Variants in CCSER1 observed in about 807,000 individuals in gnomAD.
CCSER1 encodes coiled-coil serine rich protein 1, also known as serine-rich coiled-coil domain-containing protein 1.
Under a neutral mutation model 82.0 loss-of-function variants are expected in CCSER1, and 41 were observed. The observed-to-expected ratio is 0.50, with a 90% CI of 0.39 to 0.65. The LOEUF is 0.65. Among genes scored for constraint, CCSER1 ranks in the 30% least tolerant of loss-of-function variants. CCSER1 has a pLI of 0.00. For synonymous variants in CCSER1, 414 were observed against 383.9 expected (o/e 1.08, Z -0.92); for missense variants, 1,119 against 1,064.2 (o/e 1.05, Z -0.72).
intron 3 of CCSER1, among the ~76,000 whole-genome samples, chr4:90,324,104 A>G (rs1486940877): frequency 6.7e-6 from 1 of 149,516 alleles, no homozygotes; most frequent in Non-Finnish European, 1.5e-5. Context: ...AGTCTTTGCT[A>G]TTGTGAATAG....
At chr4:90,429,059 T>C (rs1184321577) in intron 4 of CCSER1, among the ~76,000 whole-genome samples, 1 of 151,860 alleles carries the variant, frequency 6.6e-6, no homozygotes, top group East Asian at 1.9e-4. Context: ...GTTAATATGG[T>C]AACATTTGTG....
At chr4:91,141,150 ATTCT>A (rs1728985557) in intron 10 of CCSER1, among the ~76,000 whole-genome samples, 3 of 147,410 alleles carry the variant, frequency 2.0e-5, no homozygotes, top group Non-Finnish European at 4.5e-5. Context: ...ATATGATTTC[ATTCT>A]TTTTTTTTTT....
chr4:90,661,582 G>T (rs1447831334), intron 6 of CCSER1, among the ~76,000 whole-genome samples: 1 of 152,140 alleles, frequency 6.6e-6, no homozygotes, highest in Non-Finnish European at 1.5e-5. Context: ...AGTGTGAGAT[G>T]ATTTATGTTA....
intron 9 of CCSER1, among the ~76,000 whole-genome samples, chr4:90,949,295 A>G (rs185228203): frequency 6.6e-6 from 1 of 152,256 alleles, no homozygotes; most frequent in Admixed American, 6.5e-5. Flanking sequence ...ATATTTAAGA[A>G]TTTCTTTACC....
intron 9 of CCSER1, among the ~76,000 whole-genome samples, chr4:90,991,173 T>G (rs1736999603): frequency 6.6e-6 from 1 of 151,810 alleles, no homozygotes; most frequent in Non-Finnish European, 1.5e-5. Flanking sequence ...TTTTATTGCC[T>G]CCTCATCTTC....
intron 10 of CCSER1, among the ~76,000 whole-genome samples, chr4:91,089,301 G>T (rs539798575): frequency 6.6e-6 from 1 of 152,172 alleles, no homozygotes; most frequent in Non-Finnish European, 1.5e-5. Flanking sequence ...GGATAATATC[G>T]GTTGCTAGGT....
At chr4:91,456,864 A>C (rs573023796) in intron 10 of CCSER1, among the ~76,000 whole-genome samples, 1 of 152,236 alleles carries the variant, frequency 6.6e-6, no homozygotes, top group Non-Finnish European at 1.5e-5. Context: ...GGATAAATTA[A>C]ATTTTCCATT....
At chr4:90,923,580 C>G in intron 9 of CCSER1, 133 bp downstream of exon 9, 1 of 598,622 alleles carries the variant, frequency 1.7e-6, no homozygotes, top group South Asian at 2.2e-5. Flanking sequence ...ATCTTTTGCT[C>G]TTAAACAATC....
intron 1 of CCSER1, among the ~76,000 whole-genome samples, chr4:90,207,169 G>A (rs983100794): frequency 2.0e-5 from 3 of 151,966 alleles, no homozygotes; most frequent in Non-Finnish European, 2.9e-5. Context: ...TTTAATTGGG[G>A]CATTTAGCCT....
At chr4:90,732,056 T>TCA (rs1553999836) in intron 7 of CCSER1, among the ~76,000 whole-genome samples, 11 of 144,710 alleles carry the variant, frequency 7.6e-5, no homozygotes, top group East Asian at 2.1e-4. Flanking sequence ...TCTCTCTCTC[T>TCA]CTCTCACTGC....
chr4:91,567,746 G>A (rs189859948), intron 10 of CCSER1, among the ~76,000 whole-genome samples: 2 of 151,682 alleles, frequency 1.3e-5, no homozygotes, highest in East Asian at 3.9e-4. Flanking sequence ...ATCCCTTTGA[G>A]CCTCTGACTG....
intron 6 of CCSER1, among the ~76,000 whole-genome samples, chr4:90,673,647 A>T (rs1733232419): frequency 6.6e-6 from 1 of 151,926 alleles, no homozygotes; most frequent in Admixed American, 6.6e-5. Context: ...CCTCTCCACA[A>T]AGGTAGCAGG....
chr4:91,083,885 T>C (rs1383228600), intron 9 of CCSER1, among the ~76,000 whole-genome samples: 3 of 152,144 alleles, frequency 2.0e-5, no homozygotes, highest in Non-Finnish European at 4.4e-5. Context: ...ATTTAATATA[T>C]AATTTGAGTT....
intron 10 of CCSER1, among the ~76,000 whole-genome samples, chr4:91,528,975 T>C (rs557134469): frequency 7.9e-5 from 12 of 152,196 alleles, no homozygotes; most frequent in African/African-American, 1.2e-4. Flanking sequence ...CCAAAGTGCA[T>C]TTTTTTCCAA....
intron 3 of CCSER1, among the ~76,000 whole-genome samples, chr4:90,368,703 T>G (rs1382281234): frequency 6.6e-6 from 1 of 151,838 alleles, no homozygotes; most frequent in Non-Finnish European, 1.5e-5. Flanking sequence ...TATATGAAAT[T>G]GAAACTTGTC....
chr4:90,135,060 T>C (rs1723424358), intron 1 of CCSER1, among the ~76,000 whole-genome samples: 1 of 152,220 alleles, frequency 6.6e-6, no homozygotes, highest in Non-Finnish European at 1.5e-5. Flanking sequence ...TCAAAATCTA[T>C]TTCTGTTACT....
At chr4:91,348,965 G>A (rs1462644266) in intron 10 of CCSER1, among the ~76,000 whole-genome samples, 3 of 152,078 alleles carry the variant, frequency 2.0e-5, no homozygotes, top group Non-Finnish European at 4.4e-5. Flanking sequence ...CTGGAGTGCA[G>A]TGGTGAGATC....
intron 4 of CCSER1, among the ~76,000 whole-genome samples, chr4:90,448,892 C>G (rs1351375515): frequency 6.6e-6 from 1 of 152,070 alleles, no homozygotes; most frequent in East Asian, 1.9e-4. Flanking sequence ...CTCCATTAGG[C>G]AGGTCCCGAG....
chr4:91,322,602 AAATG>A (rs10593159), intron 10 of CCSER1, among the ~76,000 whole-genome samples: 118,459 of 151,598 alleles, frequency 0.78, 47,049 homozygotes, highest in African/African-American at 0.93. Context: ...AAATTTGGTT[AAATG>A]AATGAATTAG....
Sources: allele counts gnomAD v4.1 joint callset (sites outside exome capture counted in the v4.1 genomes callset), GRCh38; gene constraint gnomAD v4.1.1; transcripts MANE v1.5; gene names NCBI Gene and HGNC (gene_info 2026-07-23, HGNC 2026-07-21).